PLOD2: variants seen among roughly 807,000 people sequenced by gnomAD.
The protein encoded by PLOD2 is lysine hydroxylase 2.
PLOD2 carries 65 observed loss-of-function variants against 101.0 expected under a neutral mutation model. The ratio of observed to expected loss-of-function variants is 0.64; its 90% CI spans 0.53 to 0.79. The LOEUF (loss-of-function observed/expected upper bound fraction) is 0.79. Among genes scored for constraint, PLOD2 ranks in the 30% least tolerant of loss-of-function variants. PLOD2 has a pLI of 0.00. For synonymous variants in PLOD2, 314 were observed against 302.9 expected (o/e 1.04, Z -0.38); for missense variants, 909 against 914.6 (o/e 0.99, Z 0.08).
At chr3:146,088,981 T>G (rs1420727036) in intron 8 of PLOD2, among the ~76,000 whole-genome samples, 1 of 151,636 alleles carries the variant, frequency 6.6e-6, no homozygotes, top group Middle Eastern at 3.2e-3. Context: ...ATGTAATTCA[T>G]GGTACTGCCT....
intron 1 of PLOD2, among the ~76,000 whole-genome samples, chr3:146,159,628 A>G (rs1311922440): frequency 1.3e-5 from 2 of 152,168 alleles, no homozygotes; most frequent in African/African-American, 4.8e-5. Context: ...TACTTTCCAG[A>G]TATTATGTTA....
rs766573715 is a variant in PLOD2, at chr3:146,081,878, A to G, written c.1233-15T>C. 1.2e-6 allele frequency: 2 copies of G among 1,607,746 alleles called. No homozygotes were observed. The highest frequency in any genetic ancestry group is 1.7e-6 in the Non-Finnish European group (2 of 1,174,976). ...CAATGATCTTTCTAAAGACAGAGAG[A>G]GTGTGTGTGAGAGAGAGAAACCTAT... On this transcript the variant is annotated splice_polypyrimidine_tract_variant and intron_variant, in intron 11 of 19. Transcript: ENST00000282903.
At chr3:146,115,823 C>T (rs1937881776) in intron 3 of PLOD2, among the ~76,000 whole-genome samples, 1 of 152,148 alleles carries the variant, frequency 6.6e-6, no homozygotes, top group South Asian at 2.1e-4. Context: ...TATTGTCTGT[C>T]ACAGTGACTG....
At chr3:146,099,794 A>T (rs1937321787) in intron 7 of PLOD2, among the ~76,000 whole-genome samples, 1 of 152,106 alleles carries the variant, frequency 6.6e-6, no homozygotes, top group African/African-American at 2.4e-5. Context: ...CACTGACAGT[A>T]TCACAGACAG....
rs779227000 is a variant in PLOD2 at position 146,160,936 on chromosome 3, G to A, written c.54C>T (p.His18=). ...PQLLLLALVL[H]PWNPCLGADS... ...CCGCACCCAGACAGGGATTCCAGGG[G>A]TGGAGGACGAGCGCCAGGAGCAGCA... is the stretch of plus-strand genomic sequence containing the variant. Residue 18 remains histidine, a synonymous_variant, in exon 1 of 20, where the codon CAC becomes CAT. Coordinates refer to ENST00000282903, the MANE Select transcript of PLOD2 (RefSeq NM_182943.3). 1 of 1,601,100 alleles carries A rather than the reference G, an allele frequency of 6.2e-7. No homozygotes were observed. The highest frequency in any genetic ancestry group is 1.1e-5 in the South Asian group (1 of 88,410).
chr3:146,094,715 A>T (rs1182202637), intron 7 of PLOD2, among the ~76,000 whole-genome samples: 1 of 152,196 alleles, frequency 6.6e-6, no homozygotes, highest in Non-Finnish European at 1.5e-5. Flanking sequence ...AACTAGAAAA[A>T]ACTACTTTAA....
rs551102734 is a variant in PLOD2 at position 146,138,147 on chromosome 3, T to C, written c.110-13918A>G. Among the ~76,000 whole-genome samples the C allele has an allele frequency of 3.3e-5, 5 of 152,194 alleles. No individual in the cohort carries two copies. In the South Asian group the frequency reaches 8.3e-4, roughly 25 times the overall value. On this transcript the variant is annotated intron_variant, in intron 1 of 19. Coordinates refer to ENST00000282903, the MANE Select transcript of PLOD2 (RefSeq NM_182943.3). Reference sequence around the variant, plus strand: ...GGCACAGCTAAGAGAATACTGGGTATACATGGGAAAGATGATACCACATGA... The same window carrying C: ...GGCACAGCTAAGAGAATACTGGGTACACATGGGAAAGATGATACCACATGA...
Position 146,070,641 on chromosome 3 carries a change from C to T in PLOD2, c.*76G>A. Reference sequence around the variant, plus strand: ...TATTTAAATATTCCTCTCATCTTCTCAGCCACAACTTCAAAGACGTGTTCA... The same window carrying T: ...TATTTAAATATTCCTCTCATCTTCTTAGCCACAACTTCAAAGACGTGTTCA... On this transcript the variant is annotated 3_prime_UTR_variant, in exon 20 of 20. Coordinates refer to ENST00000282903, the MANE Select transcript of PLOD2 (RefSeq NM_182943.3). 3.1e-6 allele frequency: 3 copies of T among 953,418 alleles called. No individual in the cohort carries two copies. Among genetic ancestry groups the T allele is most frequent in the South Asian group, 1.5e-5 (1 of 67,868 alleles). The allele number at this position is 953,418 out of a possible 1,614,324, so 59.1% of individuals were successfully genotyped here.
intron 1 of PLOD2, among the ~76,000 whole-genome samples, chr3:146,141,169 C>G (rs2031503018): frequency 6.6e-6 from 1 of 151,900 alleles, no homozygotes; most frequent in South Asian, 2.1e-4. Flanking sequence ...ACATAAATAG[C>G]TGGATGTTTA....
At chr3:146,093,399 T>C (rs183432654) in intron 7 of PLOD2, among the ~76,000 whole-genome samples, 261 of 152,336 alleles carry the variant, frequency 1.7e-3, no homozygotes, top group Non-Finnish European at 2.7e-3. Flanking sequence ...AGTCATGATA[T>C]TAACGACATT....
Position 146,097,305 on chromosome 3 carries a change from C to G in PLOD2, c.778-5404G>C, listed in dbSNP as rs1338108647. ...GACCCCGTCTGGGAGGTGTGCCCAG[C>G]GGCTCATTGGGGATGGGCCATGATG... On this transcript the variant is annotated intron_variant, in intron 7 of 19. Coordinates refer to ENST00000282903, the MANE Select transcript of PLOD2 (RefSeq NM_182943.3). Among the ~76,000 whole-genome samples, 7 of 148,442 alleles carry G rather than the reference C, an allele frequency of 4.7e-5. No homozygotes were observed. The East Asian group carries it at 1.5e-3, about 31-fold the overall frequency.
chr3:146,153,924 C>T (rs1313303806), intron 1 of PLOD2, among the ~76,000 whole-genome samples: 1 of 151,464 alleles, frequency 6.6e-6, no homozygotes, highest in Non-Finnish European at 1.5e-5. Flanking sequence ...AATAGGTTAG[C>T]AGTAACTAGA....
chr3:146,127,951 T>C (rs1405494658), intron 1 of PLOD2, among the ~76,000 whole-genome samples: 1 of 152,130 alleles, frequency 6.6e-6, no homozygotes, highest in Non-Finnish European at 1.5e-5. Context: ...GAAAATAGTA[T>C]GGAAAGTTAT....
intron 1 of PLOD2, among the ~76,000 whole-genome samples, chr3:146,146,572 A>C (rs918894712): frequency 1.3e-5 from 2 of 152,178 alleles, no homozygotes; most frequent in Non-Finnish European, 2.9e-5. Context: ...TATGGACAGC[A>C]GCAAAGGCTG....
chr3:146,083,620 C>T (rs563728592), intron 11 of PLOD2, among the ~76,000 whole-genome samples: 16 of 137,210 alleles, frequency 1.2e-4, no homozygotes, highest in Admixed American at 6.5e-4. Flanking sequence ...CTCGCTGTGT[C>T]GCCCAGGCTA....
chr3:146,105,657 C>T (rs1937524233), intron 5 of PLOD2, among the ~76,000 whole-genome samples: 1 of 152,182 alleles, frequency 6.6e-6, no homozygotes, highest in African/African-American at 2.4e-5. Flanking sequence ...CAATTAAACA[C>T]ATAAAGTCTA....
chr3:146,143,498 G>A (rs1291930807), intron 1 of PLOD2, among the ~76,000 whole-genome samples: 1 of 151,948 alleles, frequency 6.6e-6, no homozygotes, highest in Non-Finnish European at 1.5e-5. Context: ...CATCTTTTCT[G>A]TGAGTAGTCT....
intron 5 of PLOD2, 97 bp from the exon 6 acceptor site, chr3:146,104,439 GT>G: frequency 1.4e-6 from 1 of 719,198 alleles, no homozygotes; most frequent in Non-Finnish European, 2.5e-6. Flanking sequence ...GGAATTTAAA[GT>G]TTAATATTCT....
intron 2 of PLOD2, among the ~76,000 whole-genome samples, chr3:146,121,880 G>A (rs1290879076): frequency 6.6e-6 from 1 of 152,108 alleles, no homozygotes; most frequent in Non-Finnish European, 1.5e-5. Flanking sequence ...AGCCTCAGCA[G>A]CTGCTCCCTG....
Sources: allele counts gnomAD v4.1 joint callset (sites outside exome capture counted in the v4.1 genomes callset), GRCh38; gene constraint gnomAD v4.1.1; transcripts MANE v1.5; gene names NCBI Gene and HGNC (gene_info 2026-07-23, HGNC 2026-07-21).